Variants in EIF2A observed in about 807,000 individuals in gnomAD.
EIF2A encodes the protein eukaryotic translation initiation factor 2A, also known as 65 kDa eukaryotic translation initiation factor 2A.
EIF2A carries 62 observed loss-of-function variants against 75.2 expected under a neutral mutation model. That is an observed-to-expected ratio of 0.82 (90% CI 0.67 to 1.02). EIF2A has a LOEUF of 1.02. Among genes scored for constraint, EIF2A ranks in the 50% least tolerant of loss-of-function variants. The pLI, the probability that EIF2A is intolerant of heterozygous loss-of-function variation, is 0.00. For synonymous variants in EIF2A, 207 were observed against 239.0 expected (o/e 0.87, Z 1.23); for missense variants, 611 against 677.7 (o/e 0.90, Z 1.09).
intron 2 of EIF2A, among the ~76,000 whole-genome samples, chr3:150,554,083 A>G (rs1387014090): frequency 6.6e-6 from 1 of 152,080 alleles, no homozygotes. Context: ...AAGCAAAGCT[A>G]TAAAAGACTA....
intron 9 of EIF2A, 124 bp from the exon 10 acceptor site, chr3:150,571,834 T>C: frequency 1.2e-6 from 1 of 824,202 alleles, no homozygotes. Flanking sequence ...ATTTTAATGT[T>C]AACATTCCTT....
chr3:150,563,717 G>C, intron 5 of EIF2A, 103 bp downstream of exon 5: 1 of 930,242 alleles, frequency 1.1e-6, no homozygotes, highest in Non-Finnish European at 1.5e-6. Context: ...TAACTTATCA[G>C]ACAAAAATCT....
At position 150,583,949 on chromosome 3, in the gene EIF2A, G is replaced by A. The variant is rs1725333780; in HGVS notation, c.*38G>A. ...AGCAAGTTGATGACCAGAAATCAGT[G>A]CAAACACATCTTCTGTTAAACCCAT... is the stretch of plus-strand genomic sequence containing the variant. On this transcript the variant is annotated 3_prime_UTR_variant, in exon 14 of 14. Coordinates refer to ENST00000460851, the MANE Select transcript of EIF2A (RefSeq NM_032025.5). 6.3e-7 allele frequency: 1 copy of A among 1,596,748 alleles called. No homozygotes were observed. The highest frequency in any genetic ancestry group is 1.3e-5 in the African/African-American group (1 of 74,656).
chr3:150,562,445 G>T, intron 3 of EIF2A, 97 bp from the exon 4 acceptor site: 1 of 915,328 alleles, frequency 1.1e-6, no homozygotes, highest in Non-Finnish European at 1.6e-6. Context: ...CAACATTTTG[G>T]AGTGATCTGT....
intron 13 of EIF2A, among the ~76,000 whole-genome samples, 188 bp from the exon 14 acceptor site, chr3:150,583,658 A>G (rs1164554370): frequency 6.6e-6 from 1 of 152,214 alleles, no homozygotes; most frequent in Non-Finnish European, 1.5e-5. Flanking sequence ...GCAGTAAGAC[A>G]GTGTCTGTTC....
chr3:150,550,146 G>C (rs1450943272), intron 1 of EIF2A, among the ~76,000 whole-genome samples: 1 of 129,528 alleles, frequency 7.7e-6, no homozygotes, highest in East Asian at 2.4e-4. Flanking sequence ...TGTCTTAAAA[G>C]AACTGCTTGC....
chr3:150,576,602 G>C (rs1004274968), intron 11 of EIF2A, among the ~76,000 whole-genome samples: 1 of 152,150 alleles, frequency 6.6e-6, no homozygotes, highest in African/African-American at 2.4e-5. Flanking sequence ...CATAACCTGA[G>C]ACACTAATGG....
chr3:150,572,592 C>G (rs1012421840), intron 10 of EIF2A, 63 bp downstream of exon 10: 1 of 1,466,066 alleles, frequency 6.8e-7, no homozygotes, highest in Non-Finnish European at 9.2e-7. Context: ...TGGTGGTTCA[C>G]ATCCGTAATC....
At chr3:150,567,543 T>C (rs1724252665) in intron 6 of EIF2A, 150 bp from the exon 7 acceptor site, 1 of 594,450 alleles carries the variant, frequency 1.7e-6, no homozygotes, top group African/African-American at 1.9e-5. Flanking sequence ...CCCCATGCTT[T>C]TTCCACTGTG....
chr3:150,561,504 G>A (rs1723850015), intron 3 of EIF2A, among the ~76,000 whole-genome samples: 1 of 152,158 alleles, frequency 6.6e-6, no homozygotes, highest in Non-Finnish European at 1.5e-5. Context: ...CTTAAACCCA[G>A]GAGGTGGAGG....
Position 150,571,944 on chromosome 3 carries a change from T to TA in EIF2A, c.812-13dup, listed in dbSNP as rs762086747. The TA allele has an allele frequency of 1.3e-6, 2 of 1,590,370 alleles. No individual in the cohort carries two copies. Among genetic ancestry groups the TA allele is most frequent in the Non-Finnish European group, 1.7e-6 (2 of 1,169,922 alleles). The stretch of plus-strand genomic sequence containing the variant: ...TTCTTTATTGCTAATTTGGGCTTTA[T>TA]ATTCTTTTTCTAGCAAAAAATGGCC... On this transcript the variant is annotated splice_polypyrimidine_tract_variant and intron_variant, in intron 9 of 13. Coordinates refer to ENST00000460851, the MANE Select transcript of EIF2A (RefSeq NM_032025.5).
rs1724568481 is a variant in EIF2A at position 150,572,197 on chromosome 3, C to T, written c.1051C>T (p.Leu351Phe). The T allele has an allele frequency of 6.2e-7, 1 of 1,613,884 alleles. No individual in the cohort carries two copies. The highest frequency in any genetic ancestry group is 8.5e-7 in the Non-Finnish European group (1 of 1,179,850). Reference sequence around the variant, plus strand: ...AGTGTGGGATGTGAAAAACTACAAACTTATTTCTAAACCGGTGGCTTCTGA... The same window carrying T: ...AGTGTGGGATGTGAAAAACTACAAATTTATTTCTAAACCGGTGGCTTCTGA... ...MEVWDVKNYK[L>F]ISKPVASDST... Residue 351 changes from leucine (L) to phenylalanine (F), a missense_variant, in exon 10 of 14, where the codon CTT (leucine) becomes TTT (phenylalanine). Leu to Phe is a conservative substitution (Grantham distance 22, BLOSUM62 0). Transcript: ENST00000460851.
rs1723950246 is a variant in EIF2A at position 150,562,626 on chromosome 3, A to G, written c.258A>G (p.Lys86=). The change falls in exon 4 of 14, where the codon AAA becomes AAG. Residue 86 remains lysine (K), a synonymous_variant. Transcript: ENST00000460851. Reference sequence around the variant, plus strand: ...CAGTTTGCCTTGAATTCTCACCCAAAAATACTGTCCTGGCAACGTGGCAGC... The same window carrying G: ...CAGTTTGCCTTGAATTCTCACCCAAGAATACTGTCCTGGCAACGTGGCAGC... ...LKAVCLEFSP[K]NTVLATWQPY... The G allele has an allele frequency of 6.2e-7, 1 of 1,613,450 alleles. No individual in the cohort carries two copies. Among genetic ancestry groups the G allele is most frequent in the East Asian group, 2.2e-5 (1 of 44,856 alleles).
At position 150,581,654 on chromosome 3, in the gene EIF2A, A is replaced by C. The variant is rs1725180974; in HGVS notation, c.1534A>C (p.Thr512Pro). 1.3e-6 allele frequency: 2 copies of C among 1,551,780 alleles called. No homozygotes were observed. The highest frequency in any genetic ancestry group is 1.7e-6 in the Non-Finnish European group (2 of 1,146,962). Residue 512 changes from threonine (T) to proline (P), a missense_variant, in exon 12 of 14, where the codon ACT (threonine) becomes CCT (proline). Physicochemically the swap from Thr to Pro is conservative, Grantham distance 38 (BLOSUM62 -1). Coordinates refer to ENST00000460851, the MANE Select transcript of EIF2A (RefSeq NM_032025.5). ...TGACAAGAGTCCAGATTTGGCACCT[A>C]CTCCTGCCCCACAGAGCACACCACG... ...RSDKSPDLAP[T>P]PAPQSTPRNT...
rs762807668 is a variant in EIF2A at position 150,572,274 on chromosome 3, A to G, written c.1128A>G (p.Thr376=). 6 of 1,613,848 alleles carry G rather than the reference A, an allele frequency of 3.7e-6. No homozygotes were observed. Among genetic ancestry groups the G allele is most frequent in the Non-Finnish European group, 5.1e-6 (6 of 1,179,874 alleles). Residue 376 remains threonine (T), a synonymous_variant, in exon 10 of 14, where the codon ACA becomes ACG. Coordinates refer to ENST00000460851, the MANE Select transcript of EIF2A (RefSeq NM_032025.5). ...ATGGTGAGCATATTTTAACAGCTAC[A>G]TGTGCTCCCAGGTTACGGGTTAATA... ...CPDGEHILTA[T]CAPRLRVNNG...
intron 12 of EIF2A, 123 bp downstream of exon 12, chr3:150,581,869 G>A (rs1000705121): frequency 8.6e-7 from 1 of 1,161,820 alleles, no homozygotes. Context: ...TCTCATTGTT[G>A]TTTTCTCACT....
At chr3:150,553,495 G>GC (rs1723420968) in intron 2 of EIF2A, among the ~76,000 whole-genome samples, 2 of 151,840 alleles carry the variant, frequency 1.3e-5, no homozygotes, top group Admixed American at 6.6e-5. Flanking sequence ...TGCAACCTCT[G>GC]CCCCCCAGGT....
At chr3:150,551,180 T>C (rs944129398) in intron 1 of EIF2A, among the ~76,000 whole-genome samples, 1 of 152,196 alleles carries the variant, frequency 6.6e-6, no homozygotes, top group African/African-American at 2.4e-5. Context: ...TTTTATACCC[T>C]CAGTGGTACC....
chr3:150,574,786 C>A (rs532658527), intron 10 of EIF2A, among the ~76,000 whole-genome samples: 35 of 152,344 alleles, frequency 2.3e-4, no homozygotes, highest in African/African-American at 7.9e-4. Flanking sequence ...AAATGCGGAT[C>A]TGAGACCTAG....
Sources: allele counts gnomAD v4.1 joint callset (sites outside exome capture counted in the v4.1 genomes callset), GRCh38; gene constraint gnomAD v4.1.1; transcripts MANE v1.5; gene names NCBI Gene and HGNC (gene_info 2026-07-23, HGNC 2026-07-21).